UTP14C: variants seen among roughly 807,000 people sequenced by gnomAD.
UTP14C encodes U3 small nucleolar RNA-associated protein 14 homolog C.
Under a neutral mutation model 14.6 loss-of-function variants are expected in UTP14C, and 10 were observed. The observed-to-expected ratio is 0.68, with a 90% CI of 0.42 to 1.16. The LOEUF (loss-of-function observed/expected upper bound fraction) is 1.16. UTP14C is among the 50% of genes most tolerant of loss of function. UTP14C has a pLI of 0.00. For synonymous variants in UTP14C, 315 were observed against 331.6 expected (o/e 0.95, Z 0.54); for missense variants, 818 against 890.8 (o/e 0.92, Z 1.04).
Position 52,030,981 on chromosome 13 carries a change from A to T in UTP14C, c.2177A>T (p.His726Leu). The change falls in exon 2 of 2, where the codon CAT becomes CTT. Residue 726 changes from histidine to leucine, a missense_variant. Transcript: ENST00000521776. ...TTPKVVTKPG[H>L]IIKPIKAEDV... The stretch of plus-strand genomic sequence containing the variant: ...CCCAAGGTCGTCACCAAGCCAGGCC[A>T]TATCATTAAGCCCATAAAAGCAGAG... 1.2e-5 allele frequency: 19 copies of T among 1,614,162 alleles called. No individual in the cohort carries two copies. The highest frequency in any genetic ancestry group is 1.5e-5 in the Non-Finnish European group (18 of 1,180,016).
Position 52,031,194 on chromosome 13 carries a change from T to C in UTP14C, c.*89T>C. ...TCTGCTACAGGGTGGATTCCAAAAC[T>C]GGCTCAGCACATTGCATGTAGTTGA... On this transcript the variant is annotated 3_prime_UTR_variant, in exon 2 of 2. Transcript: ENST00000521776. 6.6e-7 allele frequency: 1 copy of C among 1,514,506 alleles called. No individual in the cohort carries two copies. The highest frequency in any genetic ancestry group is 1.4e-5 in the South Asian group (1 of 73,260). The allele number at this position is 1,514,506 out of a possible 1,614,324, so 93.8% of individuals were successfully genotyped here. A position where few individuals can be genotyped will look rare whatever the true frequency, so the allele number is the denominator to read the frequency against.
At chr13:52,025,233 A>T (rs1954229361) in intron 1 of UTP14C, among the ~76,000 whole-genome samples, 1 of 151,432 alleles carries the variant, frequency 6.6e-6, no homozygotes, top group South Asian at 2.1e-4. Flanking sequence ...TTTTATAAAT[A>T]AAGAAACTCA....
chr13:52,030,240 A>T lies in UTP14C; in HGVS notation c.1436A>T (p.Glu479Val), dbSNP rs1954287156. The T allele has an allele frequency of 1.2e-6, 2 of 1,614,134 alleles. No homozygotes were observed. Among genetic ancestry groups the T allele is most frequent in the Non-Finnish European group, 1.7e-6 (2 of 1,180,058 alleles). Residue 479 changes from glutamate (E) to valine (V), a missense_variant, in exon 2 of 2, where the codon GAG (glutamate) becomes GTG (valine). By Grantham distance (121) the Glu-to-Val change is moderately radical. Coordinates refer to ENST00000521776, the MANE Select transcript of UTP14C (RefSeq NM_021645.6). ...TCCAGGAAGCAAAAAGCAAGTTCAG[A>T]GGGGACTGTTCCCCAGGTCCAGAGA... Reference protein sequence around the residue: ...HQSRKQKASSEGTVPQVQREE... With the variant: ...HQSRKQKASSVGTVPQVQREE...
chr13:52,025,916 T>C (rs1371433333), intron 1 of UTP14C, among the ~76,000 whole-genome samples: 9 of 152,230 alleles, frequency 5.9e-5, no homozygotes, highest in Non-Finnish European at 1.3e-4. Flanking sequence ...ACCCAACCTG[T>C]TGCATGGGAT....
In UTP14C at chr13:52,032,450, C is replaced by G. The variant is rs561660917; in HGVS notation, c.*1345C>G. 29 of 167,168 alleles carry G rather than the reference C, an allele frequency of 1.7e-4. No homozygotes were observed. The highest frequency in any genetic ancestry group is 6.5e-4 in the African/African-American group (27 of 41,560). 10.4% of individuals were successfully genotyped at this position (167,168 alleles called of 1,614,324 possible). A position where few individuals can be genotyped will look rare whatever the true frequency, so the allele number is the denominator to read the frequency against. On this transcript the variant is annotated 3_prime_UTR_variant, in exon 2 of 2. Coordinates refer to ENST00000521776, the MANE Select transcript of UTP14C (RefSeq NM_021645.6). ...CAGATATGGCTATAAAGACCTATAG[C>G]TTTTGCACTTTATGCATATATAATC...
In UTP14C at chr13:52,029,863, ACTC is replaced by A. The variant is rs758604982; in HGVS notation, c.1062_1064del (p.Leu355del). On this transcript the variant is annotated inframe_deletion, in exon 2 of 2. Transcript: ENST00000521776. The stretch of plus-strand genomic sequence containing the variant: ...AGGAGGGAGGCACAGAAGTGGAAGA[ACTC>A]CTTGTCCCTCATGTAGCGAATGAAG... The A allele has an allele frequency of 8.1e-6, 13 of 1,614,120 alleles. No individual in the cohort carries two copies. Among genetic ancestry groups the A allele is most frequent in the Admixed American group, 5.0e-5 (3 of 60,006 alleles).
Position 52,031,127 on chromosome 13 carries a change from C to CA in UTP14C, c.*23dup, listed in dbSNP as rs1954300003. On this transcript the variant is annotated 3_prime_UTR_variant, in exon 2 of 2. Transcript: ENST00000521776. ...GTAGGTTGTGTAGCTGGAGAAGTGA[C>CA]AGTCAGGGGCCCTGATTCCACTTCC... The CA allele has an allele frequency of 6.3e-7, 1 of 1,583,346 alleles. No individual in the cohort carries two copies. Among genetic ancestry groups the CA allele is most frequent in the Non-Finnish European group, 8.6e-7 (1 of 1,164,780 alleles).
Position 52,031,259 on chromosome 13 carries a change from T to G in UTP14C, c.*154T>G. 1 of 1,134,234 alleles carries G rather than the reference T, an allele frequency of 8.8e-7. No homozygotes were observed. Among genetic ancestry groups the G allele is most frequent in the East Asian group, 2.6e-5 (1 of 38,766 alleles). 70.3% of individuals were successfully genotyped at this position (1,134,234 alleles called of 1,614,324 possible). A position where few individuals can be genotyped will look rare whatever the true frequency, so the allele number is the denominator to read the frequency against. On this transcript the variant is annotated 3_prime_UTR_variant, in exon 2 of 2. Coordinates refer to ENST00000521776, the MANE Select transcript of UTP14C (RefSeq NM_021645.6). Reference sequence around the variant, plus strand: ...AAAAAGAAAATGGATGACCATTAATTGACTAGCATTTTAGAATTGATCAGA... The same window carrying G: ...AAAAAGAAAATGGATGACCATTAATGGACTAGCATTTTAGAATTGATCAGA...
chr13:52,028,106 A>G (rs970398350), intron 1 of UTP14C, among the ~76,000 whole-genome samples: 2 of 152,150 alleles, frequency 1.3e-5, no homozygotes, highest in African/African-American at 2.4e-5. Context: ...AAAAAAAAAA[A>G]GTGAAGCAGT....
rs1301318731 is a variant in UTP14C at position 52,032,852 on chromosome 13, G to T, written c.*1747G>T. 3 of 167,058 alleles carry T rather than the reference G, an allele frequency of 1.8e-5. No individual in the cohort carries two copies. The highest frequency in any genetic ancestry group is 4.4e-5 in the Non-Finnish European group (3 of 68,102). 10.3% of individuals were successfully genotyped at this position (167,058 alleles called of 1,614,324 possible). The stretch of plus-strand genomic sequence containing the variant: ...CTAAAGAATTTAGTAGATTCCTTCA[G>T]TGTCACAAAGCTGTTTCATGAAAGA... On this transcript the variant is annotated 3_prime_UTR_variant, in exon 2 of 2. Transcript: ENST00000521776.
rs780282369 is a variant in UTP14C, at chr13:52,030,671, G to A, written c.1867G>A (p.Val623Met). The change falls in exon 2 of 2, where the codon GTG (valine) becomes ATG (methionine). Residue 623 changes from valine to methionine, a missense_variant. Val to Met is a conservative substitution (Grantham distance 21). Coordinates refer to ENST00000521776, the MANE Select transcript of UTP14C (RefSeq NM_021645.6). ...EAVEASKPKD[V>M]DLTLPGWGEW... ...TGTGGAGGCGAGTAAGCCAAAGGAC[G>A]TGGACCTGACACTACCTGGCTGGGG... 11 of 1,614,214 alleles carry A rather than the reference G, an allele frequency of 6.8e-6. No individual in the cohort carries two copies. The highest frequency in any genetic ancestry group is 3.3e-5 in the Admixed American group (2 of 60,018).
At position 52,030,363 on chromosome 13, in the gene UTP14C, G is replaced by GT. The variant is rs1345012196; in HGVS notation, c.1563dup (p.Gln522SerfsTer3). ...CTAGAAGAGCTGGGAAAAGAAGATTGTTTTCAAAATAAGGAGCTTCCCAGA... is the reference window on the plus strand; with the variant it reads ...CTAGAAGAGCTGGGAAAAGAAGATTGTTTTTCAAAATAAGGAGCTTCCCAGA... On this transcript the variant is annotated frameshift_variant, in exon 2 of 2. Transcript: ENST00000521776. LOFTEE classifies it low-confidence loss of function (END_TRUNC). 6.2e-7 allele frequency: 1 copy of GT among 1,614,082 alleles called. No individual in the cohort carries two copies. Among genetic ancestry groups the GT allele is most frequent in the African/African-American group, 1.3e-5 (1 of 74,930 alleles).
At position 52,031,025 on chromosome 13, in the gene UTP14C, T is replaced by G. The variant is rs1375823081; in HGVS notation, c.2221T>G (p.Ser741Ala). ...IKAEDVGYQS[S>A]SRSDLPVIQR... is the part of the protein sequence containing the mutation. ...AGCAGAGGATGTGGGCTACCAGTCT[T>G]CCTCAAGGTCAGACCTGCCTGTCAT... The change falls in exon 2 of 2, where the codon TCC (serine) becomes GCC (alanine). Residue 741 changes from serine (S) to alanine (A), a missense_variant. Coordinates refer to ENST00000521776, the MANE Select transcript of UTP14C (RefSeq NM_021645.6). 1.2e-6 allele frequency: 2 copies of G among 1,614,004 alleles called. No homozygotes were observed. The highest frequency in any genetic ancestry group is 1.7e-6 in the Non-Finnish European group (2 of 1,180,020).
At position 52,033,402 on chromosome 13, in the gene UTP14C, T is replaced by A. The variant is rs1488424223; in HGVS notation, c.*2297T>A. 1 of 167,090 alleles carries A rather than the reference T, an allele frequency of 6.0e-6. No individual in the cohort carries two copies. Among genetic ancestry groups the A allele is most frequent in the East Asian group, 1.9e-4 (1 of 5,204 alleles). The allele number at this position is 167,090 out of a possible 1,614,324, so 10.4% of individuals were successfully genotyped here. A position where few individuals can be genotyped will look rare whatever the true frequency, so the allele number is the denominator to read the frequency against. ...ATTTAGATTTGTATTTAGACATGAT[T>A]TATATCTAATATAGATACAAAGTCT... is the stretch of plus-strand genomic sequence containing the variant. On this transcript the variant is annotated 3_prime_UTR_variant, in exon 2 of 2. Transcript: ENST00000521776.
rs964406657 is a variant in UTP14C at position 52,031,056 on chromosome 13, G to C, written c.2252G>C (p.Arg751Thr). Residue 751 changes from arginine (R) to threonine (T), a missense_variant, in exon 2 of 2, where the codon AGG becomes ACG. Transcript: ENST00000521776. ...AGGTCAGACCTGCCTGTCATACAGA[G>C]GAATCCAAAACGAATCACCACACGT... ...SSRSDLPVIQ[R>T]NPKRITTRHN... The C allele has an allele frequency of 6.2e-7, 1 of 1,614,022 alleles. No individual in the cohort carries two copies. The highest frequency in any genetic ancestry group is 1.3e-5 in the African/African-American group (1 of 74,928).
In UTP14C at chr13:52,030,996, T is replaced by A; in HGVS notation, c.2192T>A (p.Ile731Lys). 1 of 1,614,132 alleles carries A rather than the reference T, an allele frequency of 6.2e-7. No individual in the cohort carries two copies. The highest frequency in any genetic ancestry group is 8.5e-7 in the Non-Finnish European group (1 of 1,180,026). Residue 731 changes from isoleucine (I) to lysine (K), a missense_variant, in exon 2 of 2, where the codon ATA becomes AAA. Transcript: ENST00000521776. ...AAGCCAGGCCATATCATTAAGCCCA[T>A]AAAAGCAGAGGATGTGGGCTACCAG... ...VTKPGHIIKP[I>K]KAEDVGYQSS...
chr13:52,026,697 C>G (rs918429434), intron 1 of UTP14C, among the ~76,000 whole-genome samples: 2 of 152,150 alleles, frequency 1.3e-5, no homozygotes, highest in Non-Finnish European at 2.9e-5. Flanking sequence ...AGGGGAAATC[C>G]AAGAGCAAAT....
chr13:52,030,556 TGAA>T lies in UTP14C; in HGVS notation c.1755_1757del (p.Glu587del). Reference sequence around the variant, plus strand: ...CCACAATAATAGAGGAGCTGGAAGATGAAGAGGAGAGAGACCAAAGGCAGATGA... The same window carrying T: ...CCACAATAATAGAGGAGCTGGAAGATGAGGAGAGAGACCAAAGGCAGATGA... On this transcript the variant is annotated inframe_deletion, in exon 2 of 2. Coordinates refer to ENST00000521776, the MANE Select transcript of UTP14C (RefSeq NM_021645.6). 7 of 1,614,070 alleles carry T rather than the reference TGAA, an allele frequency of 4.3e-6. No individual in the cohort carries two copies. The highest frequency in any genetic ancestry group is 5.9e-6 in the Non-Finnish European group (7 of 1,180,020).
intron 1 of UTP14C, among the ~76,000 whole-genome samples, chr13:52,025,484 A>G (rs1029826367): frequency 1.3e-5 from 2 of 152,202 alleles, no homozygotes; most frequent in South Asian, 2.1e-4. Context: ...TGATTCTGTT[A>G]TGCATCAAAA....
Sources: allele counts gnomAD v4.1 joint callset (sites outside exome capture counted in the v4.1 genomes callset), GRCh38; gene constraint gnomAD v4.1.1; transcripts MANE v1.5; gene names NCBI Gene and HGNC (gene_info 2026-07-23, HGNC 2026-07-21).